ZNF385D: variants seen among roughly 807,000 people sequenced by gnomAD.
ZNF385D encodes zinc finger protein 385D.
ZNF385D carries 15 observed loss-of-function variants against 35.8 expected under a neutral mutation model. That is an observed-to-expected ratio of 0.42 (90% CI 0.28 to 0.64). The LOEUF (loss-of-function observed/expected upper bound fraction) is 0.64, where lower values mean the gene tolerates loss of function less well. ZNF385D is among the 30% of genes least tolerant of loss of function. The pLI is 0.23. For synonymous variants in ZNF385D, 212 were observed against 186.8 expected, an observed-to-expected ratio of 1.13 and a Z score of -1.10; for missense variants, 474 against 494.6, an observed-to-expected ratio of 0.96 and a Z score of 0.39.
chr3:22,317,275 A>T (rs1054674092), intron 2 of ZNF385D, among the ~76,000 whole-genome samples: 1 of 78,368 alleles, frequency 1.3e-5, no homozygotes, highest in African/African-American at 4.5e-5. Flanking sequence ...GTGAAACTCC[A>T]TCTCCAAAAA....
intron 2 of ZNF385D, among the ~76,000 whole-genome samples, chr3:22,301,867 C>T (rs1278672005): frequency 6.6e-6 from 1 of 152,012 alleles, no homozygotes; most frequent in African/African-American, 2.4e-5. Flanking sequence ...TATCATACTG[C>T]ATGTATTCTC....
At chr3:21,963,425 G>C (rs1702708297) in intron 3 of ZNF385D, among the ~76,000 whole-genome samples, 1 of 152,160 alleles carries the variant, frequency 6.6e-6, no homozygotes, top group African/African-American at 2.4e-5. Flanking sequence ...GGAGGGGAAA[G>C]AGTTCGCATC....
chr3:21,937,636 G>A (rs1328598521), intron 3 of ZNF385D, among the ~76,000 whole-genome samples: 4 of 151,738 alleles, frequency 2.6e-5, no homozygotes, highest in African/African-American at 7.3e-5. Flanking sequence ...TTAAAAACCT[G>A]TACATTATAA....
intron 3 of ZNF385D, among the ~76,000 whole-genome samples, chr3:22,065,288 A>G (rs73047964): frequency 0.13 from 19,816 of 152,212 alleles, 1,725 homozygotes; most frequent in Non-Finnish European, 0.18. Flanking sequence ...CAAGATGGAC[A>G]TCTCTCTCTC....
intron 2 of ZNF385D, among the ~76,000 whole-genome samples, chr3:22,315,102 G>C (rs1429909094): frequency 6.6e-6 from 1 of 152,136 alleles, no homozygotes; most frequent in East Asian, 1.9e-4. Context: ...TTCACAAATA[G>C]AGAACGTAAA....
At position 22,346,154 on chromosome 3, in the gene ZNF385D, C is replaced by T. The variant is rs550488772; in HGVS notation, c.106+26296G>A. On this transcript the variant is annotated intron_variant, in intron 2 of 5. Coordinates refer to the ZNF385D transcript ENST00000494108. ...ATACATGAATTTATTTTCATATTTC[C>T]CACTCCTGTTAGCCTTTATGCCTAT... 3.0e-3 allele frequency among the ~76,000 whole-genome samples: 458 copies of T among 152,266 alleles called. 4 individuals are homozygous for T. Among genetic ancestry groups the T allele is most frequent in the African/African-American group, 9.3e-3 (385 of 41,550 alleles).
intron 2 of ZNF385D, among the ~76,000 whole-genome samples, chr3:22,242,541 C>T (rs763845208): frequency 4.0e-5 from 6 of 150,694 alleles, no homozygotes; most frequent in Non-Finnish European, 5.9e-5. Context: ...CTCAAAACAA[C>T]GGATAGTTTA....
chr3:21,635,903 G>T (rs182006164), intron 2 of ZNF385D, among the ~76,000 whole-genome samples: 2 of 152,078 alleles, frequency 1.3e-5, no homozygotes, highest in East Asian at 3.9e-4. Context: ...TCCTTTTTAT[G>T]CCTGAGTAGT....
chr3:22,119,455 GTGAA>G (rs1170513852), intron 3 of ZNF385D, among the ~76,000 whole-genome samples: 1 of 152,066 alleles, frequency 6.6e-6, no homozygotes, highest in Non-Finnish European at 1.5e-5. Flanking sequence ...GCTTTTGTTT[GTGAA>G]TGCTTAAATG....
intron 3 of ZNF385D, among the ~76,000 whole-genome samples, chr3:22,057,313 A>G (rs1699455814): frequency 6.6e-6 from 1 of 152,178 alleles, no homozygotes; most frequent in African/African-American, 2.4e-5. Flanking sequence ...TCACATAATC[A>G]TTTTAAAGTG....
chr3:22,197,873 T>C (rs977484701), intron 2 of ZNF385D, among the ~76,000 whole-genome samples: 4 of 152,150 alleles, frequency 2.6e-5, no homozygotes, highest in African/African-American at 9.6e-5. Context: ...AGACTTGCTT[T>C]CCTTTATTGT....
At chr3:21,865,386 C>T (rs1470041999) in intron 3 of ZNF385D, among the ~76,000 whole-genome samples, 5 of 151,902 alleles carry the variant, frequency 3.3e-5, no homozygotes, top group African/African-American at 1.2e-4. Flanking sequence ...AAGATAAAAT[C>T]CTTGTTCAGC....
intron 3 of ZNF385D, among the ~76,000 whole-genome samples, chr3:22,085,381 T>C (rs1364726534): frequency 6.6e-6 from 1 of 152,104 alleles, no homozygotes; most frequent in African/African-American, 2.4e-5. Flanking sequence ...CAATAAAAAC[T>C]GATAAAGGCG....
At chr3:21,825,349 G>A (rs149567095) in intron 3 of ZNF385D, among the ~76,000 whole-genome samples, 181 of 152,098 alleles carry the variant, frequency 1.2e-3, no homozygotes, top group African/African-American at 4.2e-3. Flanking sequence ...TTGAATACAC[G>A]GTATTTTGTA....
At chr3:21,815,613 T>A (rs899833076) in intron 3 of ZNF385D, among the ~76,000 whole-genome samples, 4 of 152,044 alleles carry the variant, frequency 2.6e-5, no homozygotes, top group Non-Finnish European at 4.4e-5. Flanking sequence ...ACACACACCA[T>A]CCCAAGACTA....
intron 2 of ZNF385D, among the ~76,000 whole-genome samples, chr3:22,321,377 A>G (rs965204121): frequency 2.0e-5 from 3 of 151,626 alleles, no homozygotes; most frequent in African/African-American, 4.8e-5. Flanking sequence ...AAAATTATTT[A>G]TTTTTGAGAT....
At chr3:21,996,486 T>A (rs779234348) in intron 3 of ZNF385D, among the ~76,000 whole-genome samples, 11 of 152,178 alleles carry the variant, frequency 7.2e-5, no homozygotes, top group Non-Finnish European at 1.2e-4. Context: ...TTTTGGTCCT[T>A]CTTTGTGGAA....
intron 2 of ZNF385D, among the ~76,000 whole-genome samples, chr3:21,576,907 G>T (rs74285119): frequency 1.3e-5 from 2 of 152,084 alleles, no homozygotes; most frequent in African/African-American, 4.8e-5. Flanking sequence ...TATTTATGGG[G>T]TAACATTGTG....
At chr3:22,021,076 C>T (rs1697196800) in intron 3 of ZNF385D, among the ~76,000 whole-genome samples, 1 of 151,544 alleles carries the variant, frequency 6.6e-6, no homozygotes, top group Non-Finnish European at 1.5e-5. Flanking sequence ...TACCCATGGA[C>T]ATAGAGAGTG....
Sources: allele counts gnomAD v4.1 joint callset (sites outside exome capture counted in the v4.1 genomes callset), GRCh38; gene constraint gnomAD v4.1.1; transcripts MANE v1.5; gene names NCBI Gene and HGNC (gene_info 2026-07-23, HGNC 2026-07-21).